Variants in ADORA2B observed in about 807,000 individuals in gnomAD.
ADORA2B encodes the protein adenosine receptor A2b.
A neutral mutation model predicts 20.8 loss-of-function variants in ADORA2B; 18 were observed. The observed-to-expected ratio is 0.87, with a 90% CI of 0.60 to 1.29. The LOEUF is 1.29. ADORA2B is among the 50% of genes most tolerant of loss of function. ADORA2B has a pLI of 0.00. For synonymous variants in ADORA2B, 179 were observed against 178.3 expected (o/e 1.00, Z -0.03); for missense variants, 441 against 422.7 (o/e 1.04, Z -0.38).
chr17:15,884,998 T>C, the ADORA2B span, among the ~76,000 whole-genome samples: 1 of 151,670 alleles, frequency 6.6e-6, no homozygotes, highest in Non-Finnish European at 1.5e-5. Flanking sequence ...ATTGCCACAC[T>C]GTGTTCCACA....
At chr17:15,878,163 T>TTG in the ADORA2B span, among the ~76,000 whole-genome samples, 2,117 of 119,634 alleles carry the variant, frequency 0.018, 37 homozygotes, top group East Asian at 0.068. Context: ...CAGATATCCT[T>TTG]TGTGTGTGTG....
At chr17:15,945,718 G>A in intron 1 of ADORA2B, 135 bp downstream of exon 1, 1 of 842,516 alleles carries the variant, frequency 1.2e-6, no homozygotes, top group Non-Finnish European at 1.8e-6. Flanking sequence ...TTGGAGGGCT[G>A]GTTCCCAGCC....
chr17:15,861,701 C>T, the ADORA2B span, among the ~76,000 whole-genome samples: 1 of 152,170 alleles, frequency 6.6e-6, no homozygotes, highest in African/African-American at 2.4e-5. Context: ...ACAGGGTGGT[C>T]CCTAAGAGGT....
chr17:15,967,151 C>T (rs1194487061), intron 1 of ADORA2B, among the ~76,000 whole-genome samples: 1 of 151,964 alleles, frequency 6.6e-6, no homozygotes, highest in Admixed American at 6.6e-5. Flanking sequence ...CAGGTGGTTA[C>T]CAGAGCCCTC....
the ADORA2B span, among the ~76,000 whole-genome samples, chr17:15,935,286 T>C: frequency 1.8e-3 from 276 of 152,354 alleles, 2 homozygotes; most frequent in African/African-American, 6.3e-3. Context: ...TCTCTTAATA[T>C]CTGCTTCCTT....
the ADORA2B span, among the ~76,000 whole-genome samples, chr17:15,877,800 T>G: frequency 6.6e-6 from 1 of 152,092 alleles, no homozygotes; most frequent in Non-Finnish European, 1.5e-5. Context: ...TCCCCCGACC[T>G]GAAGCACCTC....
At chr17:15,966,943 G>GGC (rs1333610840) in intron 1 of ADORA2B, among the ~76,000 whole-genome samples, 1 of 152,248 alleles carries the variant, frequency 6.6e-6, no homozygotes, top group East Asian at 1.9e-4. Context: ...GCCACGGGCT[G>GGC]GCGAACGGAA....
At chr17:15,860,969 T>C in the ADORA2B span, 912 of 152,882 alleles carry the variant, frequency 6.0e-3, 13 homozygotes, top group African/African-American at 0.02. Flanking sequence ...AAAGTGGAAG[T>C]GGCCCCAAGA....
the ADORA2B span, among the ~76,000 whole-genome samples, chr17:15,931,867 G>A: frequency 6.6e-6 from 1 of 151,990 alleles, no homozygotes; most frequent in African/African-American, 2.4e-5. Flanking sequence ...GAGTAGCTGG[G>A]ATTACAGGCA....
the ADORA2B span, among the ~76,000 whole-genome samples, chr17:15,904,704 G>A: frequency 0.24 from 36,000 of 152,086 alleles, 4,448 homozygotes; most frequent in Non-Finnish European, 0.27. Context: ...ATTGAGGTCT[G>A]TCATCCATTT....
At chr17:15,875,093 T>G in the ADORA2B span, among the ~76,000 whole-genome samples, 3 of 152,282 alleles carry the variant, frequency 2.0e-5, no homozygotes, top group East Asian at 5.8e-4. Context: ...TCTGTTTGCA[T>G]GTTCTTCTTT....
chr17:15,909,600 C>G, the ADORA2B span, among the ~76,000 whole-genome samples: 1 of 152,142 alleles, frequency 6.6e-6, no homozygotes, highest in African/African-American at 2.4e-5. Flanking sequence ...CTTTAACACT[C>G]CCATTCACAC....
At chr17:15,871,849 T>C in the ADORA2B span, among the ~76,000 whole-genome samples, 13 of 152,306 alleles carry the variant, frequency 8.5e-5, no homozygotes, top group African/African-American at 2.6e-4. Flanking sequence ...GTCCTTTCAC[T>C]GTAATAAATT....
chr17:15,910,329 G>GA, the ADORA2B span, among the ~76,000 whole-genome samples: 1 of 150,540 alleles, frequency 6.6e-6, no homozygotes, highest in African/African-American at 2.4e-5. Context: ...ACTGAGTTTT[G>GA]CTGTTTCACC....
At chr17:15,867,562 C>G in the ADORA2B span, among the ~76,000 whole-genome samples, 1 of 149,258 alleles carries the variant, frequency 6.7e-6, no homozygotes, top group Admixed American at 6.6e-5. Context: ...CCACCCCGTC[C>G]GGGAGGGAGG....
the ADORA2B span, among the ~76,000 whole-genome samples, chr17:15,906,972 C>A: frequency 6.6e-6 from 1 of 151,452 alleles, no homozygotes; most frequent in Admixed American, 6.6e-5. Flanking sequence ...TTTAAAGACA[C>A]CCTTTCCCAT....
chr17:15,899,838 C>CT, the ADORA2B span, among the ~76,000 whole-genome samples: 424 of 143,808 alleles, frequency 2.9e-3, 1 homozygote, highest in African/African-American at 7.1e-3. Context: ...TTCTTTTTTT[C>CT]TTTTTTTTTT....
At chr17:15,948,698 C>T (rs959588121) in intron 1 of ADORA2B, among the ~76,000 whole-genome samples, 2 of 152,044 alleles carry the variant, frequency 1.3e-5, no homozygotes, top group Non-Finnish European at 2.9e-5. Flanking sequence ...AGGGTGGATC[C>T]GGGAGGGTTT....
At chr17:15,871,082 G>GT in the ADORA2B span, among the ~76,000 whole-genome samples, 1 of 152,220 alleles carries the variant, frequency 6.6e-6, no homozygotes, top group Non-Finnish European at 1.5e-5. Flanking sequence ...TGATGGCCAT[G>GT]TTTCTAGTTG....
Sources: allele counts gnomAD v4.1 joint callset (sites outside exome capture counted in the v4.1 genomes callset), GRCh38; gene constraint gnomAD v4.1.1; transcripts MANE v1.5; gene names NCBI Gene and HGNC (gene_info 2026-07-23, HGNC 2026-07-21).